Variants in AR observed in about 807,000 individuals in gnomAD.
AR encodes dihydrotestosterone receptor.
AR carries 8 observed loss-of-function variants against 53.9 expected under a neutral mutation model. The observed-to-expected ratio is 0.15, with a 90% CI of 0.09 to 0.27. The LOEUF (loss-of-function observed/expected upper bound fraction) is 0.27, where lower values mean the gene tolerates loss of function less well. AR is among the 10% of genes least tolerant of loss of function. AR has a pLI of 1.00. For synonymous variants in AR, 359 were observed against 316.4 expected, an observed-to-expected ratio of 1.13 and a Z score of -1.43; for missense variants, 639 against 742.5, an observed-to-expected ratio of 0.86 and a Z score of 1.62.
chrX:67,561,920 C>T (rs1219879271), intron 1 of AR, among the ~76,000 whole-genome samples: 4 of 96,733 alleles, frequency 4.1e-5, no homozygotes, highest in Non-Finnish European at 8.1e-5. Flanking sequence ...GTTCAGTAAA[C>T]GAAAGAGGTT....
intron 2 of AR, among the ~76,000 whole-genome samples, chrX:67,683,714 G>A (rs2075949670): frequency 8.9e-6 from 1 of 112,278 alleles, no homozygotes; most frequent in Non-Finnish European, 1.9e-5. Context: ...ATCAGTAAAT[G>A]TTAAATTAAT....
rs2076152281 is a variant in AR at position 67,724,995 on chromosome X, T to C, written c.*1154T>C. The C allele has an allele frequency of 1.2e-5, 2 of 173,805 alleles. No homozygotes were observed. Among genetic ancestry groups the C allele is most frequent in the South Asian group, 3.2e-4 (1 of 3,098 alleles). 14.3% of individuals were successfully genotyped at this position (173,805 alleles called of 1,213,427 possible). Reference sequence around the variant, plus strand: ...TCTCCTGCTTAGGACACTGACTGAATAGTTAAACTCTCACTGCCACTACCT... The same window carrying C: ...TCTCCTGCTTAGGACACTGACTGAACAGTTAAACTCTCACTGCCACTACCT... On this transcript the variant is annotated 3_prime_UTR_variant, in exon 8 of 8. Coordinates refer to ENST00000374690, the MANE Select transcript of AR (RefSeq NM_000044.6).
intron 1 of AR, among the ~76,000 whole-genome samples, chrX:67,616,505 A>G (rs1924126293): frequency 9.0e-6 from 1 of 111,036 alleles, no homozygotes. Flanking sequence ...AGCTTCATCC[A>G]TGTCCTTGCA....
intron 3 of AR, among the ~76,000 whole-genome samples, chrX:67,702,252 G>T (rs1022707537): frequency 9.0e-6 from 1 of 111,710 alleles, no homozygotes; most frequent in East Asian, 2.8e-4. Context: ...TACCCTTAAG[G>T]GGACTAAATG....
chrX:67,634,022 A>G (rs1331816340), intron 1 of AR, among the ~76,000 whole-genome samples: 1 of 111,574 alleles, frequency 9.0e-6, no homozygotes, highest in Non-Finnish European at 1.9e-5. Flanking sequence ...GGTGAATTTT[A>G]TAGTATGTGA....
chrX:67,581,395 T>A (rs1172874823), intron 1 of AR, among the ~76,000 whole-genome samples: 8 of 111,852 alleles, frequency 7.2e-5, no homozygotes, highest in Non-Finnish European at 5.7e-5. Context: ...AAAAAAATAT[T>A]GAATATTTAT....
intron 1 of AR, among the ~76,000 whole-genome samples, chrX:67,555,566 TAA>T (rs1921012502): frequency 8.9e-6 from 1 of 112,269 alleles, no homozygotes; most frequent in Admixed American, 9.4e-5. Context: ...GAATTTGACA[TAA>T]GAGTTGTTTT....
At chrX:67,689,871 G>A (rs993553526) in intron 3 of AR, 44 of 326,419 alleles carry the variant, frequency 1.3e-4, no homozygotes, top group African/African-American at 3.8e-4. Context: ...ATTTTTCTCC[G>A]CACTTTCCAA....
intron 1 of AR, among the ~76,000 whole-genome samples, chrX:67,557,425 GA>G (rs778714341): frequency 1.8e-5 from 2 of 112,289 alleles, no homozygotes; most frequent in Non-Finnish European, 3.8e-5. Context: ...GGGCAGGGTA[GA>G]AATCAAGAGT....
intron 1 of AR, among the ~76,000 whole-genome samples, chrX:67,557,127 G>A (rs750895888): frequency 1.8e-5 from 2 of 109,195 alleles, no homozygotes; most frequent in Admixed American, 2.0e-4. Flanking sequence ...TATGTGGGGG[G>A]AAGAGACTGT....
rs145625144 is a variant in AR at position 67,606,649 on chromosome X, G to A, written c.1617-36607G>A. 7.1e-3 allele frequency among the ~76,000 whole-genome samples: 793 copies of A among 112,377 alleles called. 1 individual carries two copies. The highest frequency in any genetic ancestry group is 0.012 in the Non-Finnish European group (621 of 53,266). On this transcript the variant is annotated intron_variant, in intron 1 of 7. Transcript: ENST00000374690. ...TTGCTATTCACCAAGTACTTCTTAC[G>A]TACACTGTGCATGAAATGATTATTA...
chrX:67,559,232 C>T (rs769554583), intron 1 of AR, among the ~76,000 whole-genome samples: 1 of 111,796 alleles, frequency 8.9e-6, no homozygotes, highest in Admixed American at 9.5e-5. Flanking sequence ...CCTCTTTCCA[C>T]TCTATCACTT....
intron 1 of AR, among the ~76,000 whole-genome samples, chrX:67,589,019 C>T (rs1452055730): frequency 8.9e-6 from 1 of 112,675 alleles, no homozygotes; most frequent in African/African-American, 3.2e-5. Flanking sequence ...AGGGACATGC[C>T]TGTGTTGCTT....
In AR at chrX:67,722,783, G is replaced by A. The variant is rs5031002; in HGVS notation, c.2450-44G>A. 0.022 allele frequency: 26,606 copies of A among 1,198,668 alleles called. 229 individuals carry two copies. The highest frequency in any genetic ancestry group is 0.027 in the Non-Finnish European group (23,897 of 886,204). ...TTGGTGCTTTGTCTAATGCTCCTTC[G>A]TGGGCATGCTTCCCCTCCCCATTCT... is the stretch of plus-strand genomic sequence containing the variant. On this transcript the variant is annotated intron_variant, in intron 6 of 7. Coordinates refer to ENST00000374690, the MANE Select transcript of AR (RefSeq NM_000044.6).
intron 2 of AR, among the ~76,000 whole-genome samples, chrX:67,674,969 A>G (rs2075890580): frequency 9.0e-6 from 1 of 110,773 alleles, no homozygotes; most frequent in Admixed American, 9.6e-5. Flanking sequence ...TGGCTATCAC[A>G]CTGATTATTC....
chrX:67,710,844 T>C (rs2076090824), intron 3 of AR, among the ~76,000 whole-genome samples: 1 of 111,820 alleles, frequency 8.9e-6, no homozygotes, highest in South Asian at 3.7e-4. Flanking sequence ...TTCTATCAAA[T>C]ACTATCTTCC....
At chrX:67,555,872 C>T (rs972021415) in intron 1 of AR, among the ~76,000 whole-genome samples, 1 of 112,497 alleles carries the variant, frequency 8.9e-6, no homozygotes, top group East Asian at 2.8e-4. Context: ...AAGGCCCTAT[C>T]GCAGGATAAC....
intron 2 of AR, among the ~76,000 whole-genome samples, chrX:67,667,802 G>T (rs181681484): frequency 9.1e-6 from 1 of 109,579 alleles, no homozygotes; most frequent in East Asian, 2.9e-4. Flanking sequence ...TTTATTGCTA[G>T]GTATTTTATT....
intron 3 of AR, among the ~76,000 whole-genome samples, chrX:67,701,003 G>T (rs1163785199): frequency 9.0e-6 from 1 of 111,224 alleles, no homozygotes; most frequent in East Asian, 2.8e-4. Context: ...TATTGCAAAT[G>T]GGAAAGTTGC....
Sources: allele counts gnomAD v4.1 joint callset (sites outside exome capture counted in the v4.1 genomes callset), GRCh38; gene constraint gnomAD v4.1.1; transcripts MANE v1.5; gene names NCBI Gene and HGNC (gene_info 2026-07-23, HGNC 2026-07-21).